The following TNFRSF21 variants were observed in gnomAD, a reference collection of about 807,000 sequenced individuals.
TNFRSF21 encodes the protein TNF receptor superfamily member 21, also known as tumor necrosis factor receptor superfamily member 21.
In TNFRSF21, 19 loss-of-function variants were observed where a neutral mutation model predicts 45.6. The observed-to-expected ratio is 0.42, with a 90% CI of 0.29 to 0.61. The LOEUF (loss-of-function observed/expected upper bound fraction) is 0.61, where lower values mean the gene tolerates loss of function less well. Among genes scored for constraint, TNFRSF21 ranks in the 20% least tolerant of loss-of-function variants. The pLI, the probability that TNFRSF21 is intolerant of heterozygous loss-of-function variation, is 0.23. For synonymous variants in TNFRSF21, 314 were observed against 335.5 expected (o/e 0.94, Z 0.70); for missense variants, 737 against 851.5 (o/e 0.87, Z 1.67).
chr6:47,295,007 A>G (rs1762774436), intron 1 of TNFRSF21, among the ~76,000 whole-genome samples: 1 of 152,232 alleles, frequency 6.6e-6, no homozygotes, highest in Admixed American at 6.5e-5. Flanking sequence ...AAATGTGGCA[A>G]ATATCCCAAA....
chr6:47,235,533 G>A (rs1223329928), intron 4 of TNFRSF21, among the ~76,000 whole-genome samples: 1 of 152,132 alleles, frequency 6.6e-6, no homozygotes, highest in African/African-American at 2.4e-5. Context: ...CCAGAATTGT[G>A]AGAAGACCAA....
chr6:47,261,619 C>T (rs568619490), intron 3 of TNFRSF21, among the ~76,000 whole-genome samples: 2 of 152,318 alleles, frequency 1.3e-5, no homozygotes, highest in East Asian at 3.9e-4. Flanking sequence ...AACCTGGGCT[C>T]CCAGGGACCC....
At chr6:47,252,297 G>A (rs1174547654) in intron 4 of TNFRSF21, among the ~76,000 whole-genome samples, 2 of 152,066 alleles carry the variant, frequency 1.3e-5, no homozygotes, top group East Asian at 1.9e-4. Flanking sequence ...AACACAGACC[G>A]GCCCTTTAAA....
Position 47,304,294 on chromosome 6 carries a change from CAA to C in TNFRSF21, c.96+5120_96+5121del, listed in dbSNP as rs5876021. Among the ~76,000 whole-genome samples the C allele has an allele frequency of 9.7e-4, 138 of 142,350 alleles. 1 individual carries two copies. The highest frequency in any genetic ancestry group is 4.1e-3 in the South Asian group (18 of 4,418). 93.4% of individuals were successfully genotyped at this position (142,350 alleles called of 152,430 possible). ...TCATTTCGTGTCACCAAAAAAAAAC[CAA>C]AAAAAAAAAAAAGATGTTTATTTAA... is the stretch of plus-strand genomic sequence containing the variant. On this transcript the variant is annotated intron_variant, in intron 1 of 5. Transcript: ENST00000296861.
chr6:47,253,553 G>A (rs537506280), intron 3 of TNFRSF21, 32 bp from the exon 4 acceptor site: 2 of 1,597,058 alleles, frequency 1.3e-6, no homozygotes, highest in East Asian at 2.2e-5. Flanking sequence ...AAACAAATGA[G>A]GGCTTGTAAG....
In TNFRSF21 at chr6:47,245,142, C is replaced by G. The variant is rs149576044; in HGVS notation, c.1509+8114G>C. Among the ~76,000 whole-genome samples the G allele has an allele frequency of 4.7e-3, 714 of 152,196 alleles. 4 individuals are homozygous for G. The highest frequency in any genetic ancestry group is 0.021 in the South Asian group (102 of 4,818). On this transcript the variant is annotated intron_variant, in intron 4 of 5. Coordinates refer to ENST00000296861, the MANE Select transcript of TNFRSF21 (RefSeq NM_014452.5). ...AATGTCATCCACTAACAGACCCAGC[C>G]TTTTCTGAATGGTGAGACACTCTGT...
intron 1 of TNFRSF21, among the ~76,000 whole-genome samples, chr6:47,309,082 G>T (rs1762979645): frequency 6.6e-6 from 1 of 152,220 alleles, no homozygotes; most frequent in Non-Finnish European, 1.5e-5. Flanking sequence ...GGCTGCGGGC[G>T]TGGGGAGCGC....
At chr6:47,306,923 C>G (rs1472551933) in intron 1 of TNFRSF21, among the ~76,000 whole-genome samples, 1 of 152,164 alleles carries the variant, frequency 6.6e-6, no homozygotes, top group East Asian at 1.9e-4. Flanking sequence ...CCACGTGTAC[C>G]CAGGCTCCAG....
chr6:47,270,256 T>C (rs6919694), intron 3 of TNFRSF21, among the ~76,000 whole-genome samples: 48,786 of 151,868 alleles, frequency 0.32, 7,993 homozygotes, highest in Non-Finnish European at 0.35. Context: ...AGACACCTCA[T>C]AAAGGCAGCT....
chr6:47,267,199 A>G (rs1000426604), intron 3 of TNFRSF21, among the ~76,000 whole-genome samples: 2 of 151,392 alleles, frequency 1.3e-5, no homozygotes, highest in East Asian at 3.9e-4. Context: ...CCCAGGTTCC[A>G]GTGATTCTCC....
At chr6:47,258,398 G>GT (rs1162552203) in intron 3 of TNFRSF21, among the ~76,000 whole-genome samples, 178 of 131,046 alleles carry the variant, frequency 1.4e-3, no homozygotes, top group Non-Finnish European at 1.8e-3. Context: ...AGTAATTGTG[G>GT]TTTTTTTTTT....
chr6:47,263,796 T>A (rs1481721018), intron 3 of TNFRSF21, among the ~76,000 whole-genome samples: 2 of 152,266 alleles, frequency 1.3e-5, no homozygotes, highest in Non-Finnish European at 2.9e-5. Context: ...TGTCTTTTCA[T>A]AGTTTGGTTG....
intron 1 of TNFRSF21, among the ~76,000 whole-genome samples, chr6:47,308,624 A>G (rs1021077452): frequency 6.6e-6 from 1 of 152,222 alleles, no homozygotes; most frequent in African/African-American, 2.4e-5. Flanking sequence ...CTGCAGGGTC[A>G]CCTGCCTAGC....
chr6:47,291,149 C>A (rs867113013), intron 1 of TNFRSF21, among the ~76,000 whole-genome samples: 1 of 152,144 alleles, frequency 6.6e-6, no homozygotes. Flanking sequence ...AGAGGGAACA[C>A]CAGATCAAAA....
intron 4 of TNFRSF21, among the ~76,000 whole-genome samples, chr6:47,238,362 T>A (rs1357645339): frequency 6.6e-6 from 1 of 152,262 alleles, no homozygotes; most frequent in Non-Finnish European, 1.5e-5. Context: ...TGTCACTTAT[T>A]TGAAGCTCCT....
At position 47,263,778 on chromosome 6, in the gene TNFRSF21, T is replaced by C. The variant is rs1050606211; in HGVS notation, c.1244-10257A>G. ...ATTCTAAGACACCTGAATGTATATT[T>C]TAATCAATGTCTTTTCATAGTTTGG... On this transcript the variant is annotated intron_variant, in intron 3 of 5. Coordinates refer to ENST00000296861, the MANE Select transcript of TNFRSF21 (RefSeq NM_014452.5). 3.3e-5 allele frequency among the ~76,000 whole-genome samples: 5 copies of C among 152,348 alleles called. No homozygotes were observed. In the South Asian group the frequency reaches 1.0e-3, roughly 32 times the overall value.
intron 4 of TNFRSF21, among the ~76,000 whole-genome samples, chr6:47,249,476 G>A (rs1291766511): frequency 6.6e-6 from 1 of 152,030 alleles, no homozygotes; most frequent in Non-Finnish European, 1.5e-5. Flanking sequence ...TTCAGACCAA[G>A]AAAAACAGAG....
Position 47,286,535 on chromosome 6 carries a change from T to C in TNFRSF21, c.157A>G (p.Thr53Ala), listed in dbSNP as rs1345546084. Reference sequence around the variant, plus strand: ...GTGGCACGGTCAACATGGCGGTATGTGCCAATGAGATTCGAGGCCTTCTGT... The same window carrying C: ...GTGGCACGGTCAACATGGCGGTATGCGCCAATGAGATTCGAGGCCTTCTGT... ...PEQKASNLIG[T>A]YRHVDRATGQ... The change falls in exon 2 of 6, where the codon ACA becomes GCA. Residue 53 changes from threonine (T) to alanine (A), a missense_variant. By Grantham distance (58) the Thr-to-Ala change is moderately conservative (BLOSUM62 0). Transcript: ENST00000296861. 1.2e-6 allele frequency: 2 copies of C among 1,613,552 alleles called. No individual in the cohort carries two copies. The highest frequency in any genetic ancestry group is 1.7e-6 in the Non-Finnish European group (2 of 1,179,464).
intron 3 of TNFRSF21, among the ~76,000 whole-genome samples, chr6:47,265,894 T>C (rs1762327218): frequency 6.6e-6 from 1 of 152,190 alleles, no homozygotes; most frequent in Non-Finnish European, 1.5e-5. Context: ...ATGTAACATA[T>C]CACTCCTAAC....
Sources: gnomAD v4.1 joint callset for allele counts (sites outside exome capture counted in the v4.1 genomes callset) on GRCh38, gnomAD v4.1.1 for gene constraint, MANE v1.5 for transcripts, NCBI Gene and HGNC (gene_info 2026-07-23, HGNC 2026-07-21) for gene names.